ARFIP1: variants seen among roughly 807,000 people sequenced by gnomAD.
ARFIP1 encodes arfaptin-1.
A neutral mutation model predicts 42.5 loss-of-function variants in ARFIP1; 24 were observed. That is an observed-to-expected ratio of 0.57 (90% CI 0.41 to 0.80). The LOEUF (loss-of-function observed/expected upper bound fraction) is 0.80, where lower values mean the gene tolerates loss of function less well. Among genes scored for constraint, ARFIP1 ranks in the 30% least tolerant of loss-of-function variants. The pLI is 0.00. For missense variants in ARFIP1, 354 were observed against 434.0 expected, an observed-to-expected ratio of 0.82 and a Z score of 1.64; for synonymous variants, 141 against 153.7, an observed-to-expected ratio of 0.92 and a Z score of 0.61.
intron 8 of ARFIP1, among the ~76,000 whole-genome samples, chr4:152,905,545 G>GTTTTTTTTTGT (rs1738256156): frequency 3.3e-5 from 1 of 30,372 alleles, no homozygotes; most frequent in Non-Finnish European, 5.8e-5. Flanking sequence ...TGTAAGAATT[G>GTTTTTTTTTGT]TTTTTTTTTT....
At chr4:152,887,160 G>C (rs1049644071) in intron 7 of ARFIP1, among the ~76,000 whole-genome samples, 2 of 151,950 alleles carry the variant, frequency 1.3e-5, no homozygotes, top group Non-Finnish European at 2.9e-5. Flanking sequence ...AGTTGAAGCT[G>C]CTGGATAAAT....
chr4:152,784,594 C>G (rs1056803489), intron 1 of ARFIP1, among the ~76,000 whole-genome samples: 3 of 152,194 alleles, frequency 2.0e-5, no homozygotes, highest in East Asian at 3.8e-4. Flanking sequence ...GCTTTGAAAT[C>G]TTCTTCTAGT....
intron 2 of ARFIP1, among the ~76,000 whole-genome samples, chr4:152,847,847 A>C (rs961236336): frequency 2.0e-5 from 3 of 152,220 alleles, no homozygotes; most frequent in African/African-American, 7.2e-5. Context: ...GCCTCCTTAG[A>C]CCTAGCTAAA....
chr4:152,834,030 G>A (rs1434565017), intron 2 of ARFIP1, among the ~76,000 whole-genome samples: 1 of 152,166 alleles, frequency 6.6e-6, no homozygotes, highest in Non-Finnish European at 1.5e-5. Flanking sequence ...TTTACCCATG[G>A]TGGAAGGCAA....
chr4:152,808,962 G>T (rs1381293816), intron 1 of ARFIP1, among the ~76,000 whole-genome samples: 1 of 152,148 alleles, frequency 6.6e-6, no homozygotes, highest in Non-Finnish European at 1.5e-5. Flanking sequence ...TGAGGCAGGA[G>T]AATGGCTTGA....
chr4:152,882,811 G>T lies in ARFIP1; in HGVS notation c.722G>T (p.Ser241Ile), dbSNP rs749852982. ...GGGGCCATTAATTTTTTCATTGCTAGTGTGAACACTTTGGTGAATAAAACC... is the reference window on the plus strand; with the variant it reads ...GGGGCCATTAATTTTTTCATTGCTATTGTGAACACTTTGGTGAATAAAACC... ...LLGAINFFIA[S>I]VNTLVNKTIE... Residue 241 changes from serine (S) to isoleucine (I), a missense_variant, in exon 7 of 9, where the codon AGT (serine) becomes ATT (isoleucine). Ser to Ile is a moderately radical substitution (Grantham distance 142). Coordinates refer to ENST00000353617, the MANE Select transcript of ARFIP1 (RefSeq NM_001025595.3). The T allele has an allele frequency of 1.2e-6, 2 of 1,612,256 alleles. No homozygotes were observed. The highest frequency in any genetic ancestry group is 1.7e-6 in the Non-Finnish European group (2 of 1,179,216).
intron 1 of ARFIP1, among the ~76,000 whole-genome samples, chr4:152,820,558 G>A (rs938235634): frequency 4.6e-5 from 7 of 152,302 alleles, no homozygotes; most frequent in East Asian, 1.9e-4. Context: ...ACTTACAGTC[G>A]TAGTGGAAGG....
chr4:152,828,365 C>G (rs543880901), intron 1 of ARFIP1, among the ~76,000 whole-genome samples: 1 of 152,314 alleles, frequency 6.6e-6, no homozygotes, highest in African/African-American at 2.4e-5. Context: ...ACATCCTTGT[C>G]AGCATTTGGT....
intron 8 of ARFIP1, among the ~76,000 whole-genome samples, chr4:152,890,644 C>T (rs957605161): frequency 5.9e-5 from 9 of 151,996 alleles, no homozygotes; most frequent in African/African-American, 2.2e-4. Flanking sequence ...GCTGGTGTGG[C>T]CTGAACGGGG....
chr4:152,896,918 T>G (rs1737386239), intron 8 of ARFIP1, among the ~76,000 whole-genome samples: 3 of 152,224 alleles, frequency 2.0e-5, no homozygotes, highest in African/African-American at 7.2e-5. Flanking sequence ...AAAAGTTAAC[T>G]TAGAATGTGA....
intron 1 of ARFIP1, among the ~76,000 whole-genome samples, chr4:152,812,615 AGACTT>A (rs1345553694): frequency 2.6e-5 from 4 of 152,250 alleles, no homozygotes; most frequent in African/African-American, 9.6e-5. Flanking sequence ...CTGGAGCTCT[AGACTT>A]GCATTTTGAA....
intron 1 of ARFIP1, among the ~76,000 whole-genome samples, chr4:152,817,940 G>GA (rs985073667): frequency 1.8e-4 from 27 of 152,238 alleles, no homozygotes; most frequent in Non-Finnish European, 3.4e-4. Flanking sequence ...GCAGCTATTA[G>GA]AAAAAAACAG....
At chr4:152,905,277 ATGC>A (rs1366494099) in intron 8 of ARFIP1, among the ~76,000 whole-genome samples, 4 of 152,188 alleles carry the variant, frequency 2.6e-5, no homozygotes, top group African/African-American at 9.6e-5. Context: ...CTTTTCTAAG[ATGC>A]TTATACCATT....
intron 8 of ARFIP1, among the ~76,000 whole-genome samples, chr4:152,900,060 T>C (rs1057362665): frequency 6.6e-6 from 1 of 151,334 alleles, no homozygotes; most frequent in Admixed American, 6.6e-5. Context: ...GATGGAAAGA[T>C]AACCTTGGAA....
At chr4:152,895,782 A>G (rs1561179130) in intron 8 of ARFIP1, among the ~76,000 whole-genome samples, 1 of 151,810 alleles carries the variant, frequency 6.6e-6, no homozygotes. Context: ...GGCTGTTTTC[A>G]AACTCCTGGC....
chr4:152,876,261 A>G (rs1735320942), intron 5 of ARFIP1, among the ~76,000 whole-genome samples: 1 of 152,216 alleles, frequency 6.6e-6, no homozygotes, highest in South Asian at 2.1e-4. Flanking sequence ...CTTCCTAGAG[A>G]TTTGTTAAAT....
intron 8 of ARFIP1, among the ~76,000 whole-genome samples, chr4:152,902,856 C>A (rs1038545332): frequency 2.6e-5 from 4 of 152,118 alleles, no homozygotes; most frequent in African/African-American, 9.7e-5. Context: ...AGAATCTTTC[C>A]CAGGTTGACT....
intron 8 of ARFIP1, among the ~76,000 whole-genome samples, chr4:152,909,493 G>T (rs576951015): frequency 6.6e-6 from 1 of 152,294 alleles, no homozygotes; most frequent in African/African-American, 2.4e-5. Flanking sequence ...GTATGACTTG[G>T]TTAAAATATA....
At chr4:152,897,550 C>T (rs1015997435) in intron 8 of ARFIP1, among the ~76,000 whole-genome samples, 2 of 152,092 alleles carry the variant, frequency 1.3e-5, no homozygotes, top group Non-Finnish European at 1.5e-5. Context: ...GTTTCTTATT[C>T]TGCTGTATAT....
Sources: gnomAD v4.1 joint callset for allele counts (sites outside exome capture counted in the v4.1 genomes callset) on GRCh38, gnomAD v4.1.1 for gene constraint, MANE v1.5 for transcripts, NCBI Gene and HGNC (gene_info 2026-07-23, HGNC 2026-07-21) for gene names.